UBE4B: variants seen among roughly 807,000 people sequenced by gnomAD.
UBE4B encodes the protein ubiquitination factor E4B, also known as ubiquitin conjugation factor E4 B.
A neutral mutation model predicts 148.1 loss-of-function variants in UBE4B; 27 were observed. That is an observed-to-expected ratio of 0.18 (90% CI 0.13 to 0.25). The LOEUF (loss-of-function observed/expected upper bound fraction) is 0.25. Ranked by LOEUF, UBE4B falls within the 10% of genes least tolerant of loss-of-function variation. UBE4B has a pLI of 1.00. For missense variants in UBE4B, 1,170 were observed against 1,662.4 expected (o/e 0.70, Z 5.15); for synonymous variants, 596 against 619.3 (o/e 0.96, Z 0.56).
Position 10,168,077 on chromosome 1 carries a change from C to T in UBE4B, c.3199-59C>T. 6.4e-7 allele frequency: 1 copy of T among 1,557,268 alleles called. No homozygotes were observed. The highest frequency in any genetic ancestry group is 8.7e-7 in the Non-Finnish European group (1 of 1,148,728). On this transcript the variant is annotated intron_variant, in intron 23 of 27. Coordinates refer to ENST00000343090, the MANE Select transcript of UBE4B (RefSeq NM_001105562.3). This position sits in a 1 kb window ranked among gnomAD's most constrained non-coding sequence, Gnocchi z 4.9. ...GCACTTTCCAGTTATGTGCTTGGCG[C>T]TTTGCTGAGCTGATGACCAGGACCG...
At chr1:10,095,107 C>T (rs1165315941) in intron 2 of UBE4B, among the ~76,000 whole-genome samples, 1 of 151,992 alleles carries the variant, frequency 6.6e-6, no homozygotes, top group Admixed American at 6.6e-5. Context: ...CTTTTGGGCG[C>T]ATTTCAAGGA....
intron 1 of UBE4B, among the ~76,000 whole-genome samples, chr1:10,053,591 TG>T (rs1159237041): frequency 9.8e-5 from 15 of 152,346 alleles, no homozygotes; most frequent in African/African-American, 3.4e-4. Flanking sequence ...GGTGGTTTGC[TG>T]CACCTATCAA....
At chr1:10,041,335 CT>C (rs573440480) in intron 1 of UBE4B, among the ~76,000 whole-genome samples, 637 of 132,090 alleles carry the variant, frequency 4.8e-3, no homozygotes, top group Admixed American at 5.5e-3. Flanking sequence ...TTTTGGCATT[CT>C]TTTTTTTTTT....
intron 4 of UBE4B, among the ~76,000 whole-genome samples, chr1:10,101,478 T>C (rs898849086): frequency 6.7e-6 from 1 of 148,378 alleles, no homozygotes; most frequent in African/African-American, 2.5e-5. Context: ...CAAATTAGAA[T>C]TCTTTCTGTT....
At chr1:10,070,442 TAAAA>T (rs70998345) in intron 1 of UBE4B, among the ~76,000 whole-genome samples, 1 of 131,654 alleles carries the variant, frequency 7.6e-6, no homozygotes, top group South Asian at 2.4e-4. Flanking sequence ...CAGTTAAAAT[TAAAA>T]AAAAAAAAAA....
intron 25 of UBE4B, among the ~76,000 whole-genome samples, chr1:10,175,403 G>C (rs1421955655): frequency 2.0e-5 from 3 of 152,102 alleles, no homozygotes; most frequent in Non-Finnish European, 4.4e-5. Context: ...TGTAATCCCA[G>C]CACTTTGGGA....
At chr1:10,056,068 A>T (rs1264895375) in intron 1 of UBE4B, among the ~76,000 whole-genome samples, 1 of 152,232 alleles carries the variant, frequency 6.6e-6, no homozygotes, top group Non-Finnish European at 1.5e-5. Context: ...GTTTTTGGTT[A>T]TAAAGGGCAT....
At chr1:10,118,044 C>T (rs528841753) in intron 8 of UBE4B, among the ~76,000 whole-genome samples, 1 of 152,142 alleles carries the variant, frequency 6.6e-6, no homozygotes, top group African/African-American at 2.4e-5. Flanking sequence ...CTTTTTTCAA[C>T]GTATGACTAA....
At chr1:10,085,454 A>G (rs1214383667) in intron 2 of UBE4B, among the ~76,000 whole-genome samples, 1 of 152,172 alleles carries the variant, frequency 6.6e-6, no homozygotes. Context: ...CTGAGGGGAA[A>G]GCCTTTGTGA....
intron 1 of UBE4B, among the ~76,000 whole-genome samples, chr1:10,048,975 C>T (rs1279112265): frequency 6.6e-6 from 1 of 152,072 alleles, no homozygotes; most frequent in Non-Finnish European, 1.5e-5. Flanking sequence ...CTCTCTTTCC[C>T]CAAGGGAGGA....
intron 1 of UBE4B, among the ~76,000 whole-genome samples, chr1:10,066,186 A>T (rs1570812277): frequency 6.6e-6 from 1 of 151,438 alleles, no homozygotes; most frequent in East Asian, 1.9e-4. Context: ...CCCCGGCTGG[A>T]GTGCAGTGGT....
chr1:10,086,281 A>G (rs1644766288), intron 2 of UBE4B, among the ~76,000 whole-genome samples: 1 of 151,656 alleles, frequency 6.6e-6, no homozygotes, highest in Non-Finnish European at 1.5e-5. Flanking sequence ...AATTTTTTGT[A>G]TTTTTTAGCA....
intron 1 of UBE4B, among the ~76,000 whole-genome samples, chr1:10,060,311 A>G (rs892016013): frequency 6.6e-6 from 1 of 152,184 alleles, no homozygotes; most frequent in African/African-American, 2.4e-5. Context: ...TGGCCTAGGT[A>G]TTGCTCCTGG....
At chr1:10,070,144 C>T (rs1388377323) in intron 1 of UBE4B, among the ~76,000 whole-genome samples, 1 of 151,660 alleles carries the variant, frequency 6.6e-6, no homozygotes, top group Non-Finnish European at 1.5e-5. Context: ...TGTGGTGGTG[C>T]ATGCCTGTAG....
chr1:10,083,864 A>G (rs1014285265), intron 2 of UBE4B, among the ~76,000 whole-genome samples: 1 of 152,102 alleles, frequency 6.6e-6, no homozygotes, highest in Non-Finnish European at 1.5e-5. Context: ...TCTGGGCTTT[A>G]TCTTACAGCA....
At chr1:10,068,525 A>G (rs1644428868) in intron 1 of UBE4B, among the ~76,000 whole-genome samples, 3 of 150,788 alleles carry the variant, frequency 2.0e-5, no homozygotes, top group Admixed American at 2.0e-4. Context: ...AATTTTTGGT[A>G]TTTTTAGTAG....
intron 27 of UBE4B, 112 bp downstream of exon 27, chr1:10,179,674 C>T: frequency 6.5e-7 from 1 of 1,529,328 alleles, no homozygotes; most frequent in Non-Finnish European, 8.8e-7. Context: ...GCAGAAACTA[C>T]CTACTTTATG....
intron 9 of UBE4B, among the ~76,000 whole-genome samples, 200 bp from the exon 10 acceptor site, chr1:10,121,762 T>C (rs1645415147): frequency 6.6e-6 from 1 of 152,154 alleles, no homozygotes; most frequent in Non-Finnish European, 1.5e-5. Context: ...CTTTGAAAAT[T>C]CCCATAGTGT....
At chr1:10,144,673 T>TGCAGTGA (rs1018992215) in intron 17 of UBE4B, among the ~76,000 whole-genome samples, 24 of 150,300 alleles carry the variant, frequency 1.6e-4, no homozygotes, top group African/African-American at 5.7e-4. Context: ...AGGCGGAGGT[T>TGCAGTGA]GCAGTGAGCT....
Sources: gnomAD v4.1 joint callset for allele counts (sites outside exome capture counted in the v4.1 genomes callset) on GRCh38, gnomAD v4.1.1 for gene constraint, Gnocchi (gnomAD v3.1) non-coding constraint, MANE v1.5 for transcripts, NCBI Gene and HGNC (gene_info 2026-07-23, HGNC 2026-07-21) for gene names.